The following ZFHX3 variants were observed in gnomAD, a reference collection of about 807,000 sequenced individuals.
ZFHX3 encodes zinc finger homeobox 3, also known as zinc finger homeobox protein 3.
A neutral mutation model predicts 279.1 loss-of-function variants in ZFHX3; 42 were observed. The ratio of observed to expected loss-of-function variants is 0.15; its 90% CI spans 0.12 to 0.19. ZFHX3 has a LOEUF of 0.19. Among genes scored for constraint, ZFHX3 ranks in the 10% least tolerant of loss-of-function variants. The pLI is 1.00. For synonymous variants in ZFHX3, 2,293 were observed against 1,957.8 expected, an observed-to-expected ratio of 1.17 and a Z score of -4.52; for missense variants, 4,981 against 4,754.0, an observed-to-expected ratio of 1.05 and a Z score of -1.40.
chr16:72,954,617 G>A (rs1961157548), intron 2 of ZFHX3, among the ~76,000 whole-genome samples: 1 of 152,172 alleles, frequency 6.6e-6, no homozygotes, highest in African/African-American at 2.4e-5. Context: ...GGGGCTGGCT[G>A]GCTACTTGGG....
chr16:73,727,188 A>T (rs1206542833), intron 1 of ZFHX3, among the ~76,000 whole-genome samples: 2 of 152,180 alleles, frequency 1.3e-5, no homozygotes, highest in Non-Finnish European at 2.9e-5. Context: ...TCCTGAAAAG[A>T]CCAGCCAGAT....
In ZFHX3 at chr16:72,787,914, G is replaced by A. The variant is rs1241625510; in HGVS notation, c.10362C>T (p.Asp3454=). The stretch of plus-strand genomic sequence containing the variant: ...ACTGCACCTTTGGAACAATGAAGGG[G>A]TCGTAGAGGGAGTCCGCACTTTTGC... The part of the protein sequence containing the change: ...AESKSADSLY[D]PFIVPKVQYK... Residue 3454 remains aspartate, a synonymous_variant, in exon 10 of 10, where the codon GAC becomes GAT. Coordinates refer to ENST00000268489, the MANE Select transcript of ZFHX3 (RefSeq NM_006885.4). 3 of 1,614,110 alleles carry A rather than the reference G, an allele frequency of 1.9e-6. No individual in the cohort carries two copies. Among genetic ancestry groups the A allele is most frequent in the African/African-American group, 1.3e-5 (1 of 75,034 alleles).
intron 3 of ZFHX3, among the ~76,000 whole-genome samples, chr16:72,941,140 G>A (rs984377361): frequency 3.3e-5 from 5 of 152,172 alleles, no homozygotes; most frequent in African/African-American, 1.2e-4. Flanking sequence ...ACTGTGTGAC[G>A]CAAAGGCATT....
At chr16:73,285,287 C>A (rs775846099) in intron 4 of ZFHX3, among the ~76,000 whole-genome samples, 13 of 152,218 alleles carry the variant, frequency 8.5e-5, no homozygotes, top group Admixed American at 4.6e-4. Flanking sequence ...GTCCACATAA[C>A]AACTCGAAGA....
chr16:73,612,813 G>C (rs2052260487), intron 2 of ZFHX3, among the ~76,000 whole-genome samples: 1 of 152,028 alleles, frequency 6.6e-6, no homozygotes, highest in Admixed American at 6.6e-5. Flanking sequence ...TGAAAGCAGA[G>C]AAACACACAC....
At chr16:73,593,769 C>T (rs1429715194) in intron 2 of ZFHX3, among the ~76,000 whole-genome samples, 1 of 152,070 alleles carries the variant, frequency 6.6e-6, no homozygotes, top group Non-Finnish European at 1.5e-5. Flanking sequence ...TAAGTCACCA[C>T]ATTAGCACAT....
chr16:73,739,506 CCCCAA>C (rs762970603), intron 1 of ZFHX3, among the ~76,000 whole-genome samples: 1 of 152,136 alleles, frequency 6.6e-6, no homozygotes, highest in Non-Finnish European at 1.5e-5. Flanking sequence ...GGAAATGTCT[CCCCAA>C]ATTGAGAACT....
At chr16:72,999,698 C>A (rs1380482183) in intron 1 of ZFHX3, among the ~76,000 whole-genome samples, 1 of 152,230 alleles carries the variant, frequency 6.6e-6, no homozygotes, top group African/African-American at 2.4e-5. Flanking sequence ...AGACATGGGA[C>A]AGCCTTCGAT....
At chr16:73,831,878 C>A (rs983408754) in intron 1 of ZFHX3, among the ~76,000 whole-genome samples, 36 of 152,302 alleles carry the variant, frequency 2.4e-4, no homozygotes, top group African/African-American at 5.5e-4. Context: ...TGGCCCTCAC[C>A]TGACTAGAGT....
chr16:73,623,391 T>C (rs776577548), intron 2 of ZFHX3, among the ~76,000 whole-genome samples: 3 of 152,124 alleles, frequency 2.0e-5, no homozygotes, highest in Non-Finnish European at 4.4e-5. Context: ...AATTCAAAAC[T>C]GTGAATCTTA....
intron 8 of ZFHX3, among the ~76,000 whole-genome samples, chr16:73,084,384 G>C (rs1294564426): frequency 2.6e-5 from 4 of 152,078 alleles, no homozygotes; most frequent in Non-Finnish European, 4.4e-5. Context: ...AACAAATTCA[G>C]TGAAGTTGCA....
chr16:73,159,357 G>C (rs988091948), intron 5 of ZFHX3, among the ~76,000 whole-genome samples: 2 of 152,040 alleles, frequency 1.3e-5, no homozygotes, highest in African/African-American at 4.8e-5. Context: ...CCCTCTCACA[G>C]ACTCTGGTCT....
intron 1 of ZFHX3, among the ~76,000 whole-genome samples, chr16:73,697,425 C>T (rs2053208045): frequency 6.6e-6 from 1 of 152,154 alleles, no homozygotes; most frequent in Non-Finnish European, 1.5e-5. Context: ...ATTGACCTGT[C>T]ACTCAATTAT....
In ZFHX3 at chr16:72,793,187, ATC is replaced by A. The variant is rs1382801934; in HGVS notation, c.9427+66_9427+67del. The A allele has an allele frequency of 1.3e-6, 2 of 1,528,506 alleles. No individual in the cohort carries two copies. The highest frequency in any genetic ancestry group is 4.3e-5 in the Admixed American group (2 of 46,886). The allele number at this position is 1,528,506 out of a possible 1,614,324, so 94.7% of individuals were successfully genotyped here. ...CCAGCACTCAGAGGGTTTGGGTGGT[ATC>A]CACATAACAGAATGCTGACTGGGCA... On this transcript the variant is annotated intron_variant, in intron 9 of 9. Transcript: ENST00000268489. The surrounding 1 kb of genome is among the most constrained non-coding windows in gnomAD (Gnocchi z 4.3).
At chr16:73,218,745 G>A (rs2012300858) in intron 5 of ZFHX3, among the ~76,000 whole-genome samples, 1 of 152,064 alleles carries the variant, frequency 6.6e-6, no homozygotes, top group Non-Finnish European at 1.5e-5. Flanking sequence ...CTCCAGCCTG[G>A]GTGACAGAGC....
chr16:73,350,903 A>G (rs2016229090), intron 3 of ZFHX3, among the ~76,000 whole-genome samples: 2 of 152,182 alleles, frequency 1.3e-5, no homozygotes, highest in Admixed American at 1.3e-4. Flanking sequence ...CTTCCTGGAA[A>G]GTGTATCACA....
At chr16:72,836,405 G>A (rs2037193670) in intron 4 of ZFHX3, among the ~76,000 whole-genome samples, 1 of 152,136 alleles carries the variant, frequency 6.6e-6, no homozygotes, top group Admixed American at 6.5e-5. Context: ...TGTTCTTCCA[G>A]CCCTGACAAC....
chr16:72,831,584 T>C (rs141567357), intron 4 of ZFHX3, among the ~76,000 whole-genome samples: 28 of 152,276 alleles, frequency 1.8e-4, no homozygotes, highest in Non-Finnish European at 3.8e-4. Context: ...CATGTATAGG[T>C]GTCAGTAGAG....
chr16:73,251,246 C>T (rs565478556), intron 5 of ZFHX3, among the ~76,000 whole-genome samples: 2 of 152,268 alleles, frequency 1.3e-5, no homozygotes, highest in South Asian at 4.1e-4. Context: ...ACTATGGGTA[C>T]TAACTCACCA....
Sources: allele counts gnomAD v4.1 joint callset (sites outside exome capture counted in the v4.1 genomes callset), GRCh38; gene constraint gnomAD v4.1.1; non-coding constraint Gnocchi (gnomAD v3.1); transcripts MANE v1.5; gene names NCBI Gene and HGNC (gene_info 2026-07-23, HGNC 2026-07-21).